Variants in PHACTR4 observed in about 807,000 individuals in gnomAD.
PHACTR4 encodes the protein protein phosphatase 1, regulatory subunit 124.
A neutral mutation model predicts 72.7 loss-of-function variants in PHACTR4; 51 were observed. The ratio of observed to expected loss-of-function variants is 0.70; its 90% CI spans 0.56 to 0.89. The LOEUF (loss-of-function observed/expected upper bound fraction) is 0.89, where lower values mean the gene tolerates loss of function less well. Among genes scored for constraint, PHACTR4 ranks in the 40% least tolerant of loss-of-function variants. The pLI, the probability that PHACTR4 is intolerant of heterozygous loss-of-function variation, is 0.00. For synonymous variants in PHACTR4, 255 were observed against 302.5 expected (o/e 0.84, Z 1.63); for missense variants, 731 against 861.8 (o/e 0.85, Z 1.90).
intron 1 of PHACTR4, among the ~76,000 whole-genome samples, chr1:28,400,500 G>A (rs1399508939): frequency 2.6e-5 from 4 of 152,136 alleles, no homozygotes; most frequent in Non-Finnish European, 4.4e-5. Context: ...TTTAAGGAAA[G>A]CAGTTTTATT....
At chr1:28,409,381 A>G (rs565835138) in intron 2 of PHACTR4, among the ~76,000 whole-genome samples, 1 of 152,228 alleles carries the variant, frequency 6.6e-6, no homozygotes. Flanking sequence ...TCCTGGCCCT[A>G]TTTTTAACTG....
chr1:28,392,410 T>C (rs1653127219), intron 1 of PHACTR4, among the ~76,000 whole-genome samples: 1 of 151,812 alleles, frequency 6.6e-6, no homozygotes, highest in African/African-American at 2.4e-5. Context: ...CTTTTTCTTT[T>C]TTTTTTTTTT....
At chr1:28,374,514 G>A (rs1651491316) in intron 1 of PHACTR4, among the ~76,000 whole-genome samples, 1 of 152,128 alleles carries the variant, frequency 6.6e-6, no homozygotes, top group South Asian at 2.1e-4. Flanking sequence ...CAATGGAATT[G>A]AGTCAATACA....
intron 1 of PHACTR4, among the ~76,000 whole-genome samples, chr1:28,396,881 C>T (rs1298624630): frequency 7.4e-6 from 1 of 135,522 alleles, no homozygotes; most frequent in African/African-American, 2.9e-5. Context: ...TTAGTAGAGA[C>T]GGGGTTTCAC....
intron 1 of PHACTR4, among the ~76,000 whole-genome samples, chr1:28,394,069 T>G (rs1653278540): frequency 6.6e-6 from 1 of 151,952 alleles, no homozygotes; most frequent in Non-Finnish European, 1.5e-5. Flanking sequence ...TCAGGAAGTA[T>G]TCTAGAAGAA....
chr1:28,412,011 C>T (rs1654826075), intron 2 of PHACTR4, among the ~76,000 whole-genome samples: 1 of 152,086 alleles, frequency 6.6e-6, no homozygotes, highest in Admixed American at 6.5e-5. Flanking sequence ...CCTAAGGTCT[C>T]TAGGACCTTT....
chr1:28,385,906 C>T (rs540420441), intron 1 of PHACTR4, among the ~76,000 whole-genome samples: 5 of 151,988 alleles, frequency 3.3e-5, no homozygotes, highest in African/African-American at 4.8e-5. Context: ...TAAGCCACCA[C>T]GCCCGGCTGG....
chr1:28,485,370 C>T (rs926383664), intron 9 of PHACTR4, among the ~76,000 whole-genome samples: 2 of 152,158 alleles, frequency 1.3e-5, no homozygotes, highest in African/African-American at 2.4e-5. Flanking sequence ...AGGCAGATCA[C>T]GAGGTCAGGA....
intron 5 of PHACTR4, 36 bp downstream of exon 5, chr1:28,465,885 G>A (rs988534718): frequency 8.2e-6 from 13 of 1,579,664 alleles, no homozygotes; most frequent in South Asian, 3.5e-5. Context: ...TAAGAGCCAC[G>A]GGCCAGTTAT....
At chr1:28,467,361 C>T (rs1023676163) in intron 6 of PHACTR4, 4 of 150,104 alleles carry the variant, frequency 2.7e-5, no homozygotes, top group African/African-American at 1.0e-4. Flanking sequence ...AACAATGATT[C>T]CAAAACACTA....
chr1:28,462,716 C>CTTTG (rs1159814830), intron 4 of PHACTR4, among the ~76,000 whole-genome samples: 1 of 152,130 alleles, frequency 6.6e-6, no homozygotes, highest in Non-Finnish European at 1.5e-5. Flanking sequence ...TGTTTTTAGC[C>CTTTG]TACAAGTTCA....
chr1:28,433,390 C>A (rs1656406477), intron 2 of PHACTR4, among the ~76,000 whole-genome samples: 1 of 151,634 alleles, frequency 6.6e-6, no homozygotes. Flanking sequence ...ACATGATGGT[C>A]AGGGAACATG....
intron 4 of PHACTR4, among the ~76,000 whole-genome samples, chr1:28,465,318 C>T (rs184058758): frequency 3.9e-5 from 6 of 152,010 alleles, no homozygotes; most frequent in African/African-American, 1.4e-4. Flanking sequence ...AAAAATTAGT[C>T]GGGCGTGGTG....
At chr1:28,464,194 G>A (rs1344362049) in intron 4 of PHACTR4, among the ~76,000 whole-genome samples, 2 of 151,810 alleles carry the variant, frequency 1.3e-5, no homozygotes, top group African/African-American at 4.8e-5. Flanking sequence ...TCAAACTCCT[G>A]ACCTCAGATG....
At chr1:28,400,429 A>T (rs567063973) in intron 1 of PHACTR4, among the ~76,000 whole-genome samples, 9 of 151,796 alleles carry the variant, frequency 5.9e-5, no homozygotes, top group South Asian at 4.2e-4. Flanking sequence ...GTAATAATGT[A>T]GCCGGCTTAA....
intron 1 of PHACTR4, among the ~76,000 whole-genome samples, chr1:28,393,439 C>G (rs1038913139): frequency 6.6e-6 from 1 of 152,070 alleles, no homozygotes; most frequent in African/African-American, 2.4e-5. Context: ...TGATGGTGGT[C>G]TTGTAAGGTT....
chr1:28,489,082 G>T, intron 9 of PHACTR4, 88 bp from the exon 10 acceptor site: 2 of 894,812 alleles, frequency 2.2e-6, no homozygotes, highest in South Asian at 3.0e-5. Flanking sequence ...CTTATATAGG[G>T]GCTAATATAT....
intron 2 of PHACTR4, among the ~76,000 whole-genome samples, chr1:28,418,135 C>T (rs940062696): frequency 1.1e-4 from 16 of 151,852 alleles, no homozygotes; most frequent in African/African-American, 3.9e-4. Flanking sequence ...ACAGCCCTAT[C>T]TCTAAATAAA....
chr1:28,489,947 C>T (rs1238517110), intron 10 of PHACTR4: 3 of 512,444 alleles, frequency 5.9e-6, no homozygotes, highest in Non-Finnish European at 1.2e-5. Context: ...GCCCTTATAA[C>T]GTATCACACA....
Sources: gnomAD v4.1 joint callset for allele counts (sites outside exome capture counted in the v4.1 genomes callset) on GRCh38, gnomAD v4.1.1 for gene constraint, MANE v1.5 for transcripts, NCBI Gene and HGNC (gene_info 2026-07-23, HGNC 2026-07-21) for gene names.